Variants in FIP1L1 observed in about 807,000 individuals in gnomAD.
The protein encoded by FIP1L1 is factor interacting with PAPOLA and CPSF1, also known as pre-mRNA 3'-end-processing factor FIP1.
Under a neutral mutation model 84.6 loss-of-function variants are expected in FIP1L1, and 21 were observed. The ratio of observed to expected loss-of-function variants is 0.25; its 90% CI spans 0.18 to 0.36. The LOEUF (loss-of-function observed/expected upper bound fraction) is 0.36. FIP1L1 is among the 10% of genes least tolerant of loss of function. The pLI, the probability that FIP1L1 is intolerant of heterozygous loss-of-function variation, is 1.00. For synonymous variants in FIP1L1, 263 were observed against 242.3 expected, an observed-to-expected ratio of 1.09 and a Z score of -0.80; for missense variants, 526 against 751.1, an observed-to-expected ratio of 0.70 and a Z score of 3.50.
intron 10 of FIP1L1, among the ~76,000 whole-genome samples, chr4:53,406,175 T>A (rs1753323994): frequency 6.6e-6 from 1 of 152,126 alleles, no homozygotes; most frequent in South Asian, 2.1e-4. Context: ...TATTTTGAGA[T>A]ACGTCCTATT....
rs771921080 is a variant in FIP1L1, at chr4:53,414,696, T to C, written c.897T>C (p.Tyr299=). The part of the protein sequence containing the change: ...NSSVGKWQDR[Y]GRAESPDLRR... ...GCGTTGGGAAGTGGCAGGATCGATATGGGAGGGCCGAATCACCTGATCTAA... is the reference window on the plus strand; with the variant it reads ...GCGTTGGGAAGTGGCAGGATCGATACGGGAGGGCCGAATCACCTGATCTAA... Residue 299 remains tyrosine (Y), a synonymous_variant, in exon 11 of 18, where the codon TAT becomes TAC. Transcript: ENST00000337488. 15 of 1,613,164 alleles carry C rather than the reference T, an allele frequency of 9.3e-6. No homozygotes were observed. The highest frequency in any genetic ancestry group is 2.2e-5 in the South Asian group (2 of 90,998).
intron 15 of FIP1L1, 30 bp from the exon 16 acceptor site, chr4:53,452,890 C>T (rs778096098): frequency 5.3e-5 from 83 of 1,577,920 alleles, no homozygotes; most frequent in Admixed American, 6.7e-5. Flanking sequence ...AGTACCATAA[C>T]GTTTGTTTTT....
intron 13 of FIP1L1, among the ~76,000 whole-genome samples, chr4:53,431,031 C>G (rs1170989891): frequency 6.6e-6 from 1 of 152,210 alleles, no homozygotes; most frequent in East Asian, 1.9e-4. Flanking sequence ...CTATGTATTT[C>G]TATCTATGTT....
At chr4:53,390,054 T>C (rs756153295) in intron 6 of FIP1L1, among the ~76,000 whole-genome samples, 181 bp downstream of exon 6, 1 of 152,056 alleles carries the variant, frequency 6.6e-6, no homozygotes, top group African/African-American at 2.4e-5. Flanking sequence ...TCCTCCCACT[T>C]CACCTTCTCA....
chr4:53,451,570 A>G (rs1191171138), intron 15 of FIP1L1, among the ~76,000 whole-genome samples: 1 of 95,194 alleles, frequency 1.1e-5, no homozygotes, highest in Non-Finnish European at 2.1e-5. Flanking sequence ...GAAACTATAC[A>G]TTTTCTTTTT....
chr4:53,409,003 G>T (rs551496671), intron 10 of FIP1L1, among the ~76,000 whole-genome samples: 21 of 152,282 alleles, frequency 1.4e-4, no homozygotes, highest in Non-Finnish European at 2.8e-4. Context: ...CTCGTCAAAG[G>T]CATTCTCTGT....
chr4:53,396,545 A>G (rs1281719115), intron 9 of FIP1L1, among the ~76,000 whole-genome samples: 3 of 152,084 alleles, frequency 2.0e-5, no homozygotes, highest in African/African-American at 7.2e-5. Context: ...AGCTGGGATT[A>G]CAGGCGCCTG....
At chr4:53,393,782 G>A (rs1045592809) in intron 9 of FIP1L1, among the ~76,000 whole-genome samples, 12 of 22,598 alleles carry the variant, frequency 5.3e-4, no homozygotes, top group Non-Finnish European at 1.1e-3. Context: ...CCCCCCCCCC[G>A]CCCCCGGCTG....
At chr4:53,442,071 T>G (rs1446923855) in intron 13 of FIP1L1, among the ~76,000 whole-genome samples, 1 of 152,032 alleles carries the variant, frequency 6.6e-6, no homozygotes, top group Non-Finnish European at 1.5e-5. Context: ...GTACAAATTA[T>G]ATTCCTTCCA....
chr4:53,377,973 T>C, intron 1 of FIP1L1, 50 bp downstream of exon 1: 1 of 1,454,052 alleles, frequency 6.9e-7, no homozygotes, highest in Admixed American at 2.4e-5. Flanking sequence ...GCCTCCCCTC[T>C]TGGCCCTCAA....
chr4:53,437,943 T>G (rs1356089720), intron 13 of FIP1L1, among the ~76,000 whole-genome samples: 1 of 151,932 alleles, frequency 6.6e-6, no homozygotes, highest in Non-Finnish European at 1.5e-5. Flanking sequence ...GCCAAGATGG[T>G]CTCCATCTCC....
chr4:53,408,275 A>G (rs1223942053), intron 10 of FIP1L1, among the ~76,000 whole-genome samples: 3 of 152,202 alleles, frequency 2.0e-5, no homozygotes, highest in African/African-American at 7.2e-5. Context: ...GCTGGACATG[A>G]AATTCTGGGT....
intron 10 of FIP1L1, among the ~76,000 whole-genome samples, chr4:53,405,533 A>G (rs1483321584): frequency 5.3e-5 from 8 of 149,734 alleles, no homozygotes; most frequent in Non-Finnish European, 1.0e-4. Flanking sequence ...AGTTTTTTCC[A>G]ATTCTGTGAA....
chr4:53,444,834 A>C (rs1057289768), intron 15 of FIP1L1, among the ~76,000 whole-genome samples: 3 of 152,100 alleles, frequency 2.0e-5, no homozygotes, highest in African/African-American at 7.2e-5. Context: ...AGCCTCCCAA[A>C]GTGCTGGGAT....
chr4:53,399,249 G>A (rs530101274), intron 9 of FIP1L1, among the ~76,000 whole-genome samples: 1 of 152,310 alleles, frequency 6.6e-6, no homozygotes, highest in East Asian at 1.9e-4. Flanking sequence ...TTGTATGGAT[G>A]TACAGTAGCA....
At chr4:53,427,316 C>G (rs967007891) in intron 12 of FIP1L1, among the ~76,000 whole-genome samples, 8 of 152,118 alleles carry the variant, frequency 5.3e-5, no homozygotes, top group African/African-American at 1.7e-4. Context: ...CCTTGGGGAG[C>G]TTATCAAAAA....
At chr4:53,408,599 T>C (rs2149652212) in intron 10 of FIP1L1, among the ~76,000 whole-genome samples, 1 of 152,334 alleles carries the variant, frequency 6.6e-6, no homozygotes, top group East Asian at 1.9e-4. Flanking sequence ...TTTTGCAACT[T>C]GGTTCCATTC....
intron 13 of FIP1L1, among the ~76,000 whole-genome samples, chr4:53,435,520 C>G (rs949480521): frequency 3.9e-5 from 6 of 152,082 alleles, no homozygotes; most frequent in African/African-American, 1.4e-4. Flanking sequence ...AGAAGTTTAT[C>G]TTCTGTAGGC....
chr4:53,400,193 A>C (rs1401085486), intron 10 of FIP1L1, among the ~76,000 whole-genome samples: 2 of 152,160 alleles, frequency 1.3e-5, no homozygotes, highest in East Asian at 3.8e-4. Context: ...TTGGACTTCT[A>C]AGTCTAGATC....
Sources: allele counts gnomAD v4.1 joint callset (sites outside exome capture counted in the v4.1 genomes callset), GRCh38; gene constraint gnomAD v4.1.1; transcripts MANE v1.5; gene names NCBI Gene and HGNC (gene_info 2026-07-23, HGNC 2026-07-21).